PLB1: variants seen among roughly 807,000 people sequenced by gnomAD.
PLB1 encodes the protein phospholipase B1.
Under a neutral mutation model 227.4 loss-of-function variants are expected in PLB1, and 242 were observed. The observed-to-expected ratio is 1.06, with a 90% CI of 0.96 to 1.18. PLB1 has a LOEUF of 1.18. Ranked by LOEUF, PLB1 falls within the 50% of genes most tolerant of loss-of-function variation. PLB1 has a pLI of 0.00. For missense variants in PLB1, 1,858 were observed against 1,816.3 expected (o/e 1.02, Z -0.42); for synonymous variants, 757 against 682.2 (o/e 1.11, Z -1.71).
At position 28,579,684 on chromosome 2, in the gene PLB1, C is replaced by T. The variant is rs1021532434; in HGVS notation, c.1543C>T (p.Leu515Phe). Reference sequence around the variant, plus strand: ...AACCCTGTTTATAGGCGGCAATGACCTCTGTGATTTCTGCAATGATCTGGT... The same window carrying T: ...AACCCTGTTTATAGGCGGCAATGACTTCTGTGATTTCTGCAATGATCTGGT... ...IITLFIGGND[L>F]CDFCNDLVHY... Residue 515 changes from leucine to phenylalanine, a missense_variant, in exon 23 of 58, where the codon CTC (leucine) becomes TTC (phenylalanine). Transcript: ENST00000327757. 7 of 1,613,258 alleles carry T rather than the reference C, an allele frequency of 4.3e-6. No individual in the cohort carries two copies. The highest frequency in any genetic ancestry group is 1.7e-5 in the Admixed American group (1 of 60,008).
intron 1 of PLB1, among the ~76,000 whole-genome samples, chr2:28,511,788 C>CTTTTTTTTTTTTTTTTTT (rs59137589): frequency 1.3e-4 from 17 of 132,640 alleles, no homozygotes; most frequent in South Asian, 2.5e-4. Flanking sequence ...GCCATTTTAT[C>CTTTTTTTTTTTTTTTTTT]TTTTTTTTTT....
intron 4 of PLB1, among the ~76,000 whole-genome samples, chr2:28,520,338 G>T (rs192915819): frequency 1.3e-5 from 2 of 151,856 alleles, no homozygotes; most frequent in Admixed American, 1.3e-4. Flanking sequence ...TTAAATCAAA[G>T]ATCACACAGA....
chr2:28,552,840 A>G, intron 16 of PLB1, 88 bp from the exon 17 acceptor site: 1 of 1,035,662 alleles, frequency 9.7e-7, no homozygotes, highest in Non-Finnish European at 1.5e-6. Context: ...ATCTTAAATG[A>G]TGTTTTCCAA....
intron 56 of PLB1, among the ~76,000 whole-genome samples, chr2:28,634,381 C>T (rs1305977761): frequency 6.6e-6 from 1 of 152,130 alleles, no homozygotes; most frequent in East Asian, 1.9e-4. Context: ...TAAAAATCTT[C>T]CCAAAGAAAG....
chr2:28,516,738 A>G, intron 1 of PLB1, 70 bp from the exon 2 acceptor site: 1 of 1,407,216 alleles, frequency 7.1e-7, no homozygotes, highest in South Asian at 1.2e-5. Flanking sequence ...GAGGAAGGGC[A>G]TGAAAGCTAC....
intron 17 of PLB1, among the ~76,000 whole-genome samples, chr2:28,562,655 A>G (rs1676250576): frequency 6.6e-6 from 1 of 152,032 alleles, no homozygotes. Flanking sequence ...CAGATCCTAG[A>G]ATAGATTAAG....
rs916824976 is a variant in PLB1 at position 28,606,349 on chromosome 2, G to A, written c.3058-147G>A. On this transcript the variant is annotated intron_variant, in intron 42 of 57. Coordinates refer to ENST00000327757, the MANE Select transcript of PLB1 (RefSeq NM_153021.5). ...CAAAGCGACTGGCCCAAAACCCCAC[G>A]GCTGGCAACTGGCAGAGCCAGAAGT... 64 of 745,224 alleles carry A rather than the reference G, an allele frequency of 8.6e-5. No individual in the cohort carries two copies. In the Middle Eastern group the frequency reaches 2.0e-3, roughly 23 times the overall value. The allele number at this position is 745,224 out of a possible 1,614,324, so 46.2% of individuals were successfully genotyped here. A position where few individuals can be genotyped will look rare whatever the true frequency, so the allele number is the denominator to read the frequency against.
intron 1 of PLB1, among the ~76,000 whole-genome samples, chr2:28,510,018 G>C (rs529117717): frequency 6.6e-6 from 1 of 152,248 alleles, no homozygotes; most frequent in South Asian, 2.1e-4. Context: ...TGACACCCCA[G>C]AGCAGTTATC....
intron 17 of PLB1, among the ~76,000 whole-genome samples, chr2:28,559,276 T>C (rs1243548563): frequency 6.6e-6 from 1 of 152,244 alleles, no homozygotes; most frequent in African/African-American, 2.4e-5. Context: ...ATGCAAATCC[T>C]TGGGCCCACC....
intron 8 of PLB1, among the ~76,000 whole-genome samples, chr2:28,530,085 C>T (rs913424519): frequency 6.6e-6 from 1 of 152,078 alleles, no homozygotes; most frequent in African/African-American, 2.4e-5. Flanking sequence ...TCTCAAACTC[C>T]TGGGCTCAAG....
intron 49 of PLB1, among the ~76,000 whole-genome samples, chr2:28,623,191 C>T (rs1032308392): frequency 1.6e-4 from 24 of 152,302 alleles, no homozygotes; most frequent in Admixed American, 9.8e-4. Context: ...TAGCAAGATT[C>T]AGCAACTTGT....
At chr2:28,529,499 A>G in intron 7 of PLB1, 92 bp downstream of exon 7, 1 of 1,156,366 alleles carries the variant, frequency 8.6e-7, no homozygotes, top group Non-Finnish European at 1.3e-6. Context: ...GCAAAGTCAA[A>G]GAGGCTTAAA....
At chr2:28,549,724 G>A (rs964167761) in intron 15 of PLB1, among the ~76,000 whole-genome samples, 2 of 152,154 alleles carry the variant, frequency 1.3e-5, no homozygotes, top group African/African-American at 4.8e-5. Flanking sequence ...CTGCCAAGAA[G>A]CTTAAAATTA....
chr2:28,577,345 G>A (rs1168393719), intron 21 of PLB1, among the ~76,000 whole-genome samples: 2 of 152,158 alleles, frequency 1.3e-5, no homozygotes, highest in African/African-American at 4.8e-5. Flanking sequence ...TTAGCAAAAG[G>A]CACCTAAGTG....
At chr2:28,588,159 C>T (rs1404601704) in intron 26 of PLB1, among the ~76,000 whole-genome samples, 1 of 152,124 alleles carries the variant, frequency 6.6e-6, no homozygotes, top group Non-Finnish European at 1.5e-5. Context: ...CACTCACTTA[C>T]CACTTGCCAT....
rs551941249 is a variant in PLB1, at chr2:28,550,697, C to T, written c.1083+613C>T. 4.0e-5 allele frequency among the ~76,000 whole-genome samples: 6 copies of T among 151,838 alleles called. No homozygotes were observed. In the East Asian group the frequency reaches 9.7e-4, roughly 25 times the overall value. ...CTGGGATTATAGGCGCGCAACACCA[C>T]ACCCGGCTATTTTTTTGTATTTTTA... On this transcript the variant is annotated intron_variant, in intron 16 of 57. Coordinates refer to ENST00000327757, the MANE Select transcript of PLB1 (RefSeq NM_153021.5).
intron 1 of PLB1, among the ~76,000 whole-genome samples, chr2:28,500,487 C>G (rs1454141617): frequency 4.6e-5 from 7 of 152,118 alleles, no homozygotes; most frequent in Admixed American, 4.6e-4. Flanking sequence ...ATACTTCTTG[C>G]CTAAATTTTT....
At chr2:28,598,196 G>A in intron 34 of PLB1, 148 bp downstream of exon 34, 1 of 666,952 alleles carries the variant, frequency 1.5e-6, no homozygotes, top group East Asian at 2.8e-5. Context: ...TGAAAAAGCA[G>A]CCGAGGCAGG....
At chr2:28,555,692 T>C (rs1413938245) in intron 17 of PLB1, among the ~76,000 whole-genome samples, 1 of 152,098 alleles carries the variant, frequency 6.6e-6, no homozygotes, top group Non-Finnish European at 1.5e-5. Flanking sequence ...CCAATAAATA[T>C]TTGCTGAACT....
Sources: allele counts gnomAD v4.1 joint callset (sites outside exome capture counted in the v4.1 genomes callset), GRCh38; gene constraint gnomAD v4.1.1; transcripts MANE v1.5; gene names NCBI Gene and HGNC (gene_info 2026-07-23, HGNC 2026-07-21).